The following PRAM1 variants were observed in gnomAD, a reference collection of about 807,000 sequenced individuals.
PRAM1 encodes the protein PML-RARA regulated adaptor molecule 1.
PRAM1 carries 41 observed loss-of-function variants against 55.3 expected under a neutral mutation model. The ratio of observed to expected loss-of-function variants is 0.74; its 90% CI spans 0.58 to 0.96. The LOEUF is 0.96. Ranked by LOEUF, PRAM1 falls within the 40% of genes least tolerant of loss-of-function variation. The pLI is 0.00. For missense variants in PRAM1, 898 were observed against 892.7 expected (o/e 1.01, Z -0.08); for synonymous variants, 401 against 387.1 (o/e 1.04, Z -0.42).
chr19:8,492,983 C>G (rs954478249), intron 4 of PRAM1, among the ~76,000 whole-genome samples: 4 of 152,082 alleles, frequency 2.6e-5, no homozygotes, highest in Non-Finnish European at 5.9e-5. Context: ...GGCGACAGAC[C>G]AGGACCCTGT....
chr19:8,498,277 G>C lies in PRAM1; in HGVS notation c.1445C>G (p.Thr482Ser), dbSNP rs1225360868. Reference sequence around the variant, plus strand: ...GAAGTGGAGCCCAGCGGCCGAGCGGGTCCTCCGTAGATCTGTGGGGTAGAG... The same window carrying C: ...GAAGTGGAGCCCAGCGGCCGAGCGGCTCCTCCGTAGATCTGTGGGGTAGAG... Reference protein sequence around the residue: ...PSAASIDLRRTRSAAGLHFQD... With the variant: ...PSAASIDLRRSRSAAGLHFQD... Residue 482 changes from threonine (T) to serine (S), a missense_variant, in exon 3 of 10, where the codon ACC becomes AGC. By Grantham distance (58) the Thr-to-Ser change is moderately conservative (BLOSUM62 1). Coordinates refer to ENST00000423345, the MANE Select transcript of PRAM1 (RefSeq NM_032152.5). 10 of 1,612,234 alleles carry C rather than the reference G, an allele frequency of 6.2e-6. No homozygotes were observed. Among genetic ancestry groups the C allele is most frequent in the Non-Finnish European group, 7.6e-6 (9 of 1,179,490 alleles).
rs1295870494 is a variant in PRAM1 at position 8,490,494 on chromosome 19, C to T, written c.1922G>A (p.Arg641Lys). Residue 641 changes from arginine to lysine, a missense_variant, in exon 8 of 10, where the codon AGA becomes AAA. Transcript: ENST00000423345. The surrounding 1 kb of genome is among the most constrained non-coding windows in gnomAD (Gnocchi z 7.3). ...DPKGKYGYVP[R>K]TALLPLETEV... Reference sequence around the variant, plus strand: ...CACTCACAGGGGCAGGAGCGCTGTTCTGGGCACGTAGCCATCTGTGGAGAG... The same window carrying T: ...CACTCACAGGGGCAGGAGCGCTGTTTTGGGCACGTAGCCATCTGTGGAGAG... 6.2e-7 allele frequency: 1 copy of T among 1,612,378 alleles called. No individual in the cohort carries two copies. Among genetic ancestry groups the T allele is most frequent in the Non-Finnish European group, 8.5e-7 (1 of 1,179,366 alleles).
rs1022265271 is a variant in PRAM1 at position 8,498,422 on chromosome 19, C to G, written c.1386G>C (p.Gly462=). Residue 462 remains glycine (G), a synonymous_variant, in exon 2 of 10, where the codon GGG becomes GGC. Coordinates refer to ENST00000423345, the MANE Select transcript of PRAM1 (RefSeq NM_032152.5). Reference sequence around the variant, plus strand: ...TCCGAAAGCTCTGCATATCCACGGGCCCCGGGGGCAGCGGGGGCTTGGCTG... The same window carrying G: ...TCCGAAAGCTCTGCATATCCACGGGGCCCGGGGGCAGCGGGGGCTTGGCTG... ...HPPAKPPLPP[G]PVDMQSFRRP... 1.3e-6 allele frequency: 2 copies of G among 1,578,610 alleles called. No homozygotes were observed. The highest frequency in any genetic ancestry group is 1.2e-5 in the South Asian group (1 of 86,608).
At chr19:8,501,142 A>G (rs1215672959) in intron 1 of PRAM1, among the ~76,000 whole-genome samples, 1 of 134,192 alleles carries the variant, frequency 7.5e-6, no homozygotes, top group South Asian at 2.3e-4. Context: ...TCTGTCACCC[A>G]GGTTGGAATG....
chr19:8,493,888 C>T lies in PRAM1; in HGVS notation c.1577-2731G>A, dbSNP rs548756198. Reference sequence around the variant, plus strand: ...TCTCGGCTCATTGCAGCCTCCATCTCCTGGATTCAAGCGATCCTCCCACCT... The same window carrying T: ...TCTCGGCTCATTGCAGCCTCCATCTTCTGGATTCAAGCGATCCTCCCACCT... On this transcript the variant is annotated intron_variant, in intron 4 of 9. Transcript: ENST00000423345. This position sits in a 1 kb window ranked among gnomAD's most constrained non-coding sequence, Gnocchi z 4.1. 2.0e-5 allele frequency among the ~76,000 whole-genome samples: 3 copies of T among 152,166 alleles called. No homozygotes were observed. In the South Asian group the frequency reaches 6.2e-4, roughly 32 times the overall value.
At chr19:8,496,010 G>A (rs542345115) in intron 4 of PRAM1, 5 of 453,610 alleles carry the variant, frequency 1.1e-5, no homozygotes, top group Non-Finnish European at 2.2e-5. Flanking sequence ...GAAACCTTTG[G>A]CAGCCTCCCT....
At chr19:8,491,608 A>C (rs1599876759) in intron 4 of PRAM1, 1 of 187,244 alleles carries the variant, frequency 5.3e-6, no homozygotes, top group Non-Finnish European at 1.1e-5. Context: ...CCCCTCCCAA[A>C]CCTCTCCCTG....
intron 4 of PRAM1, among the ~76,000 whole-genome samples, chr19:8,494,691 G>T (rs1487871369): frequency 6.6e-6 from 1 of 151,272 alleles, no homozygotes; most frequent in African/African-American, 2.4e-5. Context: ...GAGTGCAATG[G>T]CAGGATCTCA....
chr19:8,496,446 C>T (rs1330761627), intron 4 of PRAM1, among the ~76,000 whole-genome samples: 1 of 151,414 alleles, frequency 6.6e-6, no homozygotes, highest in East Asian at 1.9e-4. Context: ...AATATAAGGC[C>T]GGGCGCGGTG....
rs1293716594 is a variant in PRAM1 at position 8,490,272 on chromosome 19, C to T, written c.1976-46G>A. On this transcript the variant is annotated intron_variant, in intron 9 of 9. Coordinates refer to ENST00000423345, the MANE Select transcript of PRAM1 (RefSeq NM_032152.5). The surrounding 1 kb of genome is among the most constrained non-coding windows in gnomAD (Gnocchi z 7.3). ...CCATGGACCCCTCTCCCCAGAAGCC[C>T]AATAGTGAGCAGCGCCCCCGGGGAA... is the stretch of plus-strand genomic sequence containing the variant. 1 of 1,613,138 alleles carries T rather than the reference C, an allele frequency of 6.2e-7. No individual in the cohort carries two copies. The highest frequency in any genetic ancestry group is 1.3e-5 in the African/African-American group (1 of 75,026).
At chr19:8,497,544 A>G (rs757704637) in intron 4 of PRAM1, among the ~76,000 whole-genome samples, 2 of 151,890 alleles carry the variant, frequency 1.3e-5, no homozygotes, top group Non-Finnish European at 2.9e-5. Context: ...TGATTACTGA[A>G]TTCACCCACT....
chr19:8,498,951 G>A lies in PRAM1; in HGVS notation c.857C>T (p.Pro286Leu), dbSNP rs533898136. Residue 286 changes from proline to leucine, a missense_variant, in exon 2 of 10, where the codon CCG becomes CTG. Pro to Leu is a moderately conservative substitution (Grantham distance 98). Transcript: ENST00000423345. ...GGTGAGGTCCCCAAGCTCAGGCTGCGGAGGCTTCTTGGGAAAGTCACTCAG... is the reference window on the plus strand; with the variant it reads ...GGTGAGGTCCCCAAGCTCAGGCTGCAGAGGCTTCTTGGGAAAGTCACTCAG... ...PPLSDFPKKP[P>L]QPELGDLTRT... is the part of the protein sequence containing the mutation. 2 of 1,613,792 alleles carry A rather than the reference G, an allele frequency of 1.2e-6. No homozygotes were observed. Among genetic ancestry groups the A allele is most frequent in the Non-Finnish European group, 1.7e-6 (2 of 1,179,790 alleles).
chr19:8,497,961 A>T (rs1235030126), intron 3 of PRAM1, 121 bp from the exon 4 acceptor site: 1 of 757,630 alleles, frequency 1.3e-6, no homozygotes, highest in Non-Finnish European at 2.0e-6. Context: ...GGCTCACTGC[A>T]GCCTCCACCT....
intron 4 of PRAM1, among the ~76,000 whole-genome samples, chr19:8,497,173 CTTTTTTT>C (rs34873845): frequency 1.7e-5 from 2 of 118,882 alleles, no homozygotes; most frequent in African/African-American, 3.4e-5. Context: ...CCAAATCCTG[CTTTTTTT>C]TTTTTTTTTT....
chr19:8,496,006 T>G (rs1971694470), intron 4 of PRAM1: 1 of 453,590 alleles, frequency 2.2e-6, no homozygotes, highest in African/African-American at 2.0e-5. Flanking sequence ...CTAAGAAACC[T>G]TTGGCAGCCT....
chr19:8,493,619 C>T lies in PRAM1; in HGVS notation c.1577-2462G>A, dbSNP rs1423149590. 6.6e-6 allele frequency among the ~76,000 whole-genome samples: 1 copy of T among 152,200 alleles called. No individual in the cohort carries two copies. The highest frequency in any genetic ancestry group is 1.5e-5 in the Non-Finnish European group (1 of 68,028). On this transcript the variant is annotated intron_variant, in intron 4 of 9. Coordinates refer to ENST00000423345, the MANE Select transcript of PRAM1 (RefSeq NM_032152.5). This position sits in a 1 kb window ranked among gnomAD's most constrained non-coding sequence, Gnocchi z 4.1. ...CTCTCCCCACCTGCAGAGGAGCCCC[C>T]TGCCTTCCAGGAACCTCTGCAGTGG... is the stretch of plus-strand genomic sequence containing the variant.
Position 8,498,984 on chromosome 19 carries a change from T to C in PRAM1, c.824A>G (p.Gln275Arg), listed in dbSNP as rs1424999107. ...CTTGGGAAAGTCACTCAGCGGAGGCTGGGAGGCCTTTTTGGGAAAGGCGCT... is the reference window on the plus strand; with the variant it reads ...CTTGGGAAAGTCACTCAGCGGAGGCCGGGAGGCCTTTTTGGGAAAGGCGCT... ...DSSAFPKKASQPPLSDFPKKP... is the reference protein window; with the variant it reads ...DSSAFPKKASRPPLSDFPKKP... The change falls in exon 2 of 10, where the codon CAG (glutamine) becomes CGG (arginine). Residue 275 changes from glutamine (Q) to arginine (R), a missense_variant. By Grantham distance (43) the Gln-to-Arg change is conservative. Transcript: ENST00000423345. The C allele has an allele frequency of 6.2e-7, 1 of 1,613,796 alleles. No homozygotes were observed. The highest frequency in any genetic ancestry group is 8.5e-7 in the Non-Finnish European group (1 of 1,179,802).
rs752540937 is a variant in PRAM1 at position 8,498,780 on chromosome 19, C to G, written c.1028G>C (p.Arg343Thr). Residue 343 changes from arginine (R) to threonine (T), a missense_variant, in exon 2 of 10, where the codon AGG becomes ACG. Arg to Thr is a moderately conservative substitution (Grantham distance 71). Coordinates refer to ENST00000423345, the MANE Select transcript of PRAM1 (RefSeq NM_032152.5). ...SSEPEFNSLPRKLLQPERRGP... is the reference protein window; with the variant it reads ...SSEPEFNSLPTKLLQPERRGP... Reference sequence around the variant, plus strand: ...CCGGCGCTCCGGCTGCAGCAGCTTCCTGGGGAGTGAGTTGAACTCGGGCTC... The same window carrying G: ...CCGGCGCTCCGGCTGCAGCAGCTTCGTGGGGAGTGAGTTGAACTCGGGCTC... 1.3e-6 allele frequency: 2 copies of G among 1,575,806 alleles called. No individual in the cohort carries two copies. The highest frequency in any genetic ancestry group is 2.3e-5 in the South Asian group (2 of 86,764).
In PRAM1 at chr19:8,498,425, C is replaced by T. The variant is rs760041404; in HGVS notation, c.1383G>A (p.Pro461=). ...GAAAGCTCTGCATATCCACGGGCCC[C>T]GGGGGCAGCGGGGGCTTGGCTGGAG... ...GHPPAKPPLP[P]GPVDMQSFRR... is the part of the protein sequence containing the mutation. Residue 461 remains proline (P), a synonymous_variant, in exon 2 of 10, where the codon CCG becomes CCA. Transcript: ENST00000423345. The T allele has an allele frequency of 1.7e-5, 27 of 1,575,066 alleles. No individual in the cohort carries two copies. Among genetic ancestry groups the T allele is most frequent in the South Asian group, 7.0e-5 (6 of 85,606 alleles).
Sources: gnomAD v4.1 joint callset for allele counts (sites outside exome capture counted in the v4.1 genomes callset) on GRCh38, gnomAD v4.1.1 for gene constraint, Gnocchi (gnomAD v3.1) non-coding constraint, MANE v1.5 for transcripts, NCBI Gene and HGNC (gene_info 2026-07-23, HGNC 2026-07-21) for gene names.